The following PAFAH1B1 variants were observed in gnomAD, a reference collection of about 807,000 sequenced individuals.
PAFAH1B1 encodes platelet activating factor acetylhydrolase 1b regulatory subunit 1.
In PAFAH1B1, 2 loss-of-function variants were observed where a neutral mutation model predicts 57.5. The observed-to-expected ratio is 0.03, with a 90% CI of 0.01 to 0.11. The LOEUF is 0.11. PAFAH1B1 is among the 10% of genes least tolerant of loss of function. PAFAH1B1 has a pLI of 1.00. For missense variants in PAFAH1B1, 257 were observed against 512.0 expected (o/e 0.50, Z 4.81); for synonymous variants, 152 against 169.6 (o/e 0.90, Z 0.81).
intron 6 of PAFAH1B1, among the ~76,000 whole-genome samples, chr17:2,670,540 C>T (rs1391635186): frequency 6.6e-6 from 1 of 152,198 alleles, no homozygotes; most frequent in Non-Finnish European, 1.5e-5. Flanking sequence ...TAGTACTTTA[C>T]ATAAAATATT....
chr17:2,633,202 G>A (rs1031364568), intron 1 of PAFAH1B1, among the ~76,000 whole-genome samples: 1 of 131,632 alleles, frequency 7.6e-6, no homozygotes, highest in South Asian at 2.4e-4. Flanking sequence ...CTGGAGTTTT[G>A]CTCTGTTGCC....
chr17:2,610,957 C>G (rs931606117), intron 1 of PAFAH1B1, among the ~76,000 whole-genome samples: 14 of 152,140 alleles, frequency 9.2e-5, no homozygotes, highest in Non-Finnish European at 2.9e-5. Flanking sequence ...GCAGGTACCT[C>G]CATACATCAA....
At chr17:2,654,042 G>A (rs2151647776) in intron 2 of PAFAH1B1, among the ~76,000 whole-genome samples, 1 of 151,792 alleles carries the variant, frequency 6.6e-6, no homozygotes, top group Non-Finnish European at 1.5e-5. Flanking sequence ...CTCCTGACCT[G>A]GTGATACACC....
rs376302623 is a variant in PAFAH1B1, at chr17:2,664,047, T to G, written c.33-1325T>G. Among the ~76,000 whole-genome samples the G allele has an allele frequency of 2.2e-4, 33 of 152,304 alleles. No homozygotes were observed. The East Asian group carries it at 6.0e-3, about 28-fold the overall frequency. On this transcript the variant is annotated intron_variant, in intron 2 of 10. Transcript: ENST00000397195. Reference sequence around the variant, plus strand: ...TGCCCGCCTCGGCCTCCCAAAGTGCTGGGATTACAGACGTGAGCCACTGCG... The same window carrying G: ...TGCCCGCCTCGGCCTCCCAAAGTGCGGGGATTACAGACGTGAGCCACTGCG...
At chr17:2,601,801 A>C (rs2068147263) in intron 1 of PAFAH1B1, among the ~76,000 whole-genome samples, 1 of 151,656 alleles carries the variant, frequency 6.6e-6, no homozygotes, top group Non-Finnish European at 1.5e-5. Flanking sequence ...CCAGTCTCAA[A>C]CTCCTAGCCT....
chr17:2,682,381 A>G lies in PAFAH1B1; in HGVS notation c.*579A>G, dbSNP rs1597582726. The G allele has an allele frequency of 6.5e-6, 1 of 152,720 alleles. No individual in the cohort carries two copies. Among genetic ancestry groups the G allele is most frequent in the African/African-American group, 2.4e-5 (1 of 41,462 alleles). The allele number at this position is 152,720 out of a possible 1,614,324, so 9.5% of individuals were successfully genotyped here. ...GTCATGACACATTTGCCAAATCAGT[A>G]GGATATATTTGTTTTGGCAGCCTAT... On this transcript the variant is annotated 3_prime_UTR_variant, in exon 11 of 11. Transcript: ENST00000397195.
chr17:2,633,406 A>G (rs900832812), intron 1 of PAFAH1B1, among the ~76,000 whole-genome samples: 23 of 151,652 alleles, frequency 1.5e-4, no homozygotes, highest in African/African-American at 4.3e-4. Context: ...GACCTCAGGT[A>G]ATCCACCTGC....
At chr17:2,655,759 TGTC>T (rs1391920945) in intron 2 of PAFAH1B1, among the ~76,000 whole-genome samples, 1 of 151,034 alleles carries the variant, frequency 6.6e-6, no homozygotes, top group Non-Finnish European at 1.5e-5. Context: ...CTTGTTACAA[TGTC>T]GTCACATTAC....
intron 1 of PAFAH1B1, among the ~76,000 whole-genome samples, chr17:2,609,197 ATGGGGTCTCACTCTGGTGC>A (rs1417403801): frequency 6.6e-6 from 1 of 152,032 alleles, no homozygotes; most frequent in Non-Finnish European, 1.5e-5. Context: ...CCTGCTGGAG[ATGGGGTCTCACTCTGGTGC>A]TGGGGCTGGT....
chr17:2,680,357 T>C (rs1567563615), intron 10 of PAFAH1B1, 37 bp downstream of exon 10: 1 of 1,589,862 alleles, frequency 6.3e-7, no homozygotes. Context: ...ACATTAGATT[T>C]TGGAGTGCCA....
Position 2,674,163 on chromosome 17 carries a change from C to T in PAFAH1B1, c.775C>T (p.Arg259Cys). 1.9e-6 allele frequency: 3 copies of T among 1,613,950 alleles called. No individual in the cohort carries two copies. The highest frequency in any genetic ancestry group is 2.5e-6 in the Non-Finnish European group (3 of 1,179,890). The change falls in exon 8 of 11, where the codon CGT (arginine) becomes TGT (cysteine). Residue 259 changes from arginine (R) to cysteine (C), a missense_variant. Coordinates refer to ENST00000397195, the MANE Select transcript of PAFAH1B1 (RefSeq NM_000430.4). ...CAGCTGTTCCAATGACCAGACTGTGCGTGTATGGGTCGTAGCAACAAAGGA... is the reference window on the plus strand; with the variant it reads ...CAGCTGTTCCAATGACCAGACTGTGTGTGTATGGGTCGTAGCAACAAAGGA... ...IASCSNDQTV[R>C]VWVVATKECK...
chr17:2,627,636 A>C (rs1027420228), intron 1 of PAFAH1B1, among the ~76,000 whole-genome samples: 7 of 152,108 alleles, frequency 4.6e-5, no homozygotes, highest in Non-Finnish European at 1.0e-4. Context: ...GAATGATGGT[A>C]TTTTGATGGG....
At chr17:2,666,130 T>C (rs201562581) in intron 4 of PAFAH1B1, 40 bp downstream of exon 4, 17 of 1,344,448 alleles carry the variant, frequency 1.3e-5, no homozygotes, top group Non-Finnish European at 1.7e-5. Context: ...TTGTATTCAG[T>C]TATATAAACT....
intron 1 of PAFAH1B1, among the ~76,000 whole-genome samples, chr17:2,629,207 A>C (rs1295214304): frequency 1.3e-5 from 2 of 151,972 alleles, no homozygotes; most frequent in Admixed American, 6.6e-5. Flanking sequence ...GTGCTCTTTC[A>C]GACTTTTTGA....
At position 2,600,932 on chromosome 17, in the gene PAFAH1B1, A is replaced by G. The variant is rs557492967; in HGVS notation, c.-191+6926A>G. On this transcript the variant is annotated intron_variant, in intron 1 of 10. Coordinates refer to ENST00000397195, the MANE Select transcript of PAFAH1B1 (RefSeq NM_000430.4). ...TTTTTAGTAGAGATGGGGTTTCGCC[A>G]TATTGGCCAGGCTGATCTCGAACTC... Among the ~76,000 whole-genome samples, 8 of 152,078 alleles carry G rather than the reference A, an allele frequency of 5.3e-5. No homozygotes were observed. In the South Asian group the frequency reaches 1.7e-3, roughly 32 times the overall value.
intron 1 of PAFAH1B1, among the ~76,000 whole-genome samples, chr17:2,637,702 T>C (rs1372745126): frequency 6.6e-6 from 1 of 152,250 alleles, no homozygotes; most frequent in East Asian, 1.9e-4. Context: ...ACTGTTCGGC[T>C]TGTGCAGTTC....
intron 2 of PAFAH1B1, among the ~76,000 whole-genome samples, chr17:2,661,268 TTTC>T (rs1209569019): frequency 1.3e-5 from 2 of 152,206 alleles, no homozygotes; most frequent in African/African-American, 4.8e-5. Flanking sequence ...TTGCCTAGGT[TTTC>T]TTCTAGGATT....
chr17:2,675,538 ACG>A (rs1244850153), intron 8 of PAFAH1B1, among the ~76,000 whole-genome samples: 2 of 151,956 alleles, frequency 1.3e-5, no homozygotes, highest in African/African-American at 2.4e-5. Context: ...GTGGTGGCTC[ACG>A]CCTGTAATCC....
chr17:2,662,378 T>TGTGTGTG (rs2069027889), intron 2 of PAFAH1B1, among the ~76,000 whole-genome samples: 5 of 123,696 alleles, frequency 4.0e-5, no homozygotes, highest in Non-Finnish European at 6.6e-5. Context: ...TTTAACCTCT[T>TGTGTGTG]TGTGTGTGTG....
Sources: gnomAD v4.1 joint callset for allele counts (sites outside exome capture counted in the v4.1 genomes callset) on GRCh38, gnomAD v4.1.1 for gene constraint, MANE v1.5 for transcripts, NCBI Gene and HGNC (gene_info 2026-07-23, HGNC 2026-07-21) for gene names.